The following STK32A variants were observed in gnomAD, a reference collection of about 807,000 sequenced individuals.
STK32A encodes the protein serine/threonine-protein kinase 32A.
A neutral mutation model predicts 53.2 loss-of-function variants in STK32A; 41 were observed. The observed-to-expected ratio is 0.77, with a 90% CI of 0.60 to 1.00. STK32A has a LOEUF of 1.00. STK32A is among the 50% of genes least tolerant of loss of function. STK32A has a pLI of 0.00. For synonymous variants in STK32A, 166 were observed against 162.8 expected, an observed-to-expected ratio of 1.02 and a Z score of -0.15; for missense variants, 458 against 485.8, an observed-to-expected ratio of 0.94 and a Z score of 0.54.
At chr5:147,362,817 C>T (rs1407995457) in intron 8 of STK32A, among the ~76,000 whole-genome samples, 4 of 152,206 alleles carry the variant, frequency 2.6e-5, no homozygotes, top group Non-Finnish European at 1.5e-5. Flanking sequence ...GGCACTGGCT[C>T]ATGCCTGTAA....
intron 4 of STK32A, among the ~76,000 whole-genome samples, chr5:147,280,485 A>G (rs934126573): frequency 4.0e-5 from 6 of 151,818 alleles, no homozygotes; most frequent in Non-Finnish European, 5.9e-5. Flanking sequence ...TTCGGTTTTC[A>G]TGGGAGCTGG....
At chr5:147,367,348 G>C (rs1193655759) in intron 8 of STK32A, among the ~76,000 whole-genome samples, 1 of 152,114 alleles carries the variant, frequency 6.6e-6, no homozygotes, top group East Asian at 1.9e-4. Context: ...TTACAGGTGT[G>C]AGCCGCCGCA....
rs376026034 is a variant in STK32A at position 147,360,049 on chromosome 5, T to C, written c.563-1468T>C. On this transcript the variant is annotated intron_variant, in intron 7 of 12. Coordinates refer to ENST00000397936, the MANE Select transcript of STK32A (RefSeq NM_001112724.2). ...TCAACTAGGTCAATTATTATGAATG[T>C]TTGCCTCTCTAGAAGCCTACCCAAT... Among the ~76,000 whole-genome samples, 35 of 152,262 alleles carry C rather than the reference T, an allele frequency of 2.3e-4. No homozygotes were observed. The East Asian group carries it at 6.2e-3, about 27-fold the overall frequency.
At chr5:147,291,842 T>C (rs886351846) in intron 4 of STK32A, among the ~76,000 whole-genome samples, 1 of 152,212 alleles carries the variant, frequency 6.6e-6, no homozygotes, top group African/African-American at 2.4e-5. Context: ...CCAACATACT[T>C]GTAAAATAAG....
rs1201902610 is a variant in STK32A at position 147,387,164 on chromosome 5, C to T, written c.*3181C>T. On this transcript the variant is annotated 3_prime_UTR_variant, in exon 13 of 13. Transcript: ENST00000397936. The stretch of plus-strand genomic sequence containing the variant: ...GCTCTTGCACTGTGACAGAGCTGCC[C>T]ACCTCCAGTACACCCTCAGTGACCT... The T allele has an allele frequency of 6.6e-6, 1 of 152,206 alleles. No homozygotes were observed. 9.4% of individuals were successfully genotyped at this position (152,206 alleles called of 1,614,324 possible). A position where few individuals can be genotyped will look rare whatever the true frequency, so the allele number is the denominator to read the frequency against.
At chr5:147,285,641 C>T (rs1752291589) in intron 4 of STK32A, among the ~76,000 whole-genome samples, 1 of 152,008 alleles carries the variant, frequency 6.6e-6, no homozygotes, top group South Asian at 2.1e-4. Flanking sequence ...CATGAATAGA[C>T]AGTTCTCAAA....
chr5:147,296,250 GA>G (rs1485361863), intron 4 of STK32A, among the ~76,000 whole-genome samples: 3 of 152,322 alleles, frequency 2.0e-5, no homozygotes, highest in South Asian at 2.1e-4. Flanking sequence ...GAGCAAAAGG[GA>G]AAGTTTATTT....
At chr5:147,393,739 C>T in the STK32A span, 8 of 366,258 alleles carry the variant, frequency 2.2e-5, no homozygotes, top group African/African-American at 4.1e-5. Context: ...GCACTACACA[C>T]GCTCTCAACA....
chr5:147,251,542 G>A (rs1328987651), intron 2 of STK32A, among the ~76,000 whole-genome samples: 1 of 152,212 alleles, frequency 6.6e-6, no homozygotes, highest in South Asian at 2.1e-4. Flanking sequence ...CATTTTTTCA[G>A]TTATAGCTAT....
At chr5:147,278,808 G>C (rs1028125576) in intron 3 of STK32A, among the ~76,000 whole-genome samples, 6 of 152,114 alleles carry the variant, frequency 3.9e-5, no homozygotes, top group Non-Finnish European at 7.4e-5. Context: ...ATCATATTTA[G>C]TGTTTTTCCA....
intron 4 of STK32A, among the ~76,000 whole-genome samples, chr5:147,301,099 A>T (rs995496699): frequency 6.6e-6 from 1 of 152,164 alleles, no homozygotes; most frequent in Non-Finnish European, 1.5e-5. Flanking sequence ...TGCCATCTTG[A>T]GGTTACAGAA....
intron 4 of STK32A, among the ~76,000 whole-genome samples, chr5:147,290,288 C>T (rs1327365177): frequency 3.6e-4 from 54 of 151,864 alleles, no homozygotes; most frequent in Admixed American, 1.3e-4. Context: ...GGGGCAGGGA[C>T]GTTAAGGAGG....
At chr5:147,398,764 A>T in the STK32A span, among the ~76,000 whole-genome samples, 1 of 151,906 alleles carries the variant, frequency 6.6e-6, no homozygotes, top group African/African-American at 2.4e-5. Context: ...CGTACACCAC[A>T]TCTAGGGGAA....
chr5:147,346,900 A>G (rs1351496074), intron 6 of STK32A, among the ~76,000 whole-genome samples: 1 of 152,182 alleles, frequency 6.6e-6, no homozygotes, highest in African/African-American at 2.4e-5. Context: ...TCAGCGTAGG[A>G]GGTGAGAAAA....
At chr5:147,277,676 C>A (rs1751829468) in intron 2 of STK32A, among the ~76,000 whole-genome samples, 1 of 152,118 alleles carries the variant, frequency 6.6e-6, no homozygotes, top group African/African-American at 2.4e-5. Context: ...TAGGATGCAC[C>A]TGGGAGCAGA....
intron 5 of STK32A, chr5:147,342,712 A>G: frequency 2.6e-6 from 1 of 391,638 alleles, no homozygotes; most frequent in Non-Finnish European, 4.6e-6. Flanking sequence ...GCTTAGATAC[A>G]ACATGCTATA....
At chr5:147,400,700 T>C in the STK32A span, 1 of 1,614,076 alleles carries the variant, frequency 6.2e-7, no homozygotes, top group Non-Finnish European at 8.5e-7. Context: ...ACCACAGCCT[T>C]GTCCCAGATG....
intron 2 of STK32A, among the ~76,000 whole-genome samples, chr5:147,276,351 T>C (rs567660812): frequency 2.0e-5 from 3 of 152,230 alleles, no homozygotes; most frequent in Non-Finnish European, 4.4e-5. Context: ...GTACTATGCT[T>C]ACTACATTTG....
intron 5 of STK32A, 194 bp from the exon 6 acceptor site, chr5:147,342,812 T>G: frequency 1.8e-6 from 1 of 564,848 alleles, no homozygotes; most frequent in Non-Finnish European, 3.1e-6. Flanking sequence ...TGGGTTAAGC[T>G]TCAGTTTTCT....
Sources: allele counts gnomAD v4.1 joint callset (sites outside exome capture counted in the v4.1 genomes callset), GRCh38; gene constraint gnomAD v4.1.1; transcripts MANE v1.5; gene names NCBI Gene and HGNC (gene_info 2026-07-23, HGNC 2026-07-21).